Variants in PTPRK observed in about 807,000 individuals in gnomAD.
PTPRK encodes the protein receptor-type tyrosine-protein phosphatase kappa.
Under a neutral mutation model 178.0 loss-of-function variants are expected in PTPRK, and 75 were observed. That is an observed-to-expected ratio of 0.42 (90% CI 0.35 to 0.51). PTPRK has a LOEUF of 0.51. Among genes scored for constraint, PTPRK ranks in the 20% least tolerant of loss-of-function variants. The pLI is 0.02. For missense variants in PTPRK, 1,441 were observed against 1,797.8 expected, an observed-to-expected ratio of 0.80 and a Z score of 3.59; for synonymous variants, 637 against 620.6, an observed-to-expected ratio of 1.03 and a Z score of -0.39.
intron 3 of PTPRK, among the ~76,000 whole-genome samples, chr6:128,266,125 C>T (rs538048552): frequency 6.6e-6 from 1 of 152,230 alleles, no homozygotes; most frequent in South Asian, 2.1e-4. Context: ...TTTGCTATAG[C>T]AGACTGAAGT....
intron 13 of PTPRK, among the ~76,000 whole-genome samples, chr6:128,028,284 A>G (rs1284536847): frequency 6.6e-5 from 10 of 152,236 alleles, no homozygotes; most frequent in Non-Finnish European, 1.3e-4. Context: ...AGGAAAAAGC[A>G]AAAGTGATAA....
At chr6:128,023,651 CTTATT>C (rs1335753858) in intron 13 of PTPRK, among the ~76,000 whole-genome samples, 2 of 151,918 alleles carry the variant, frequency 1.3e-5, no homozygotes, top group African/African-American at 2.4e-5. Context: ...TATTCGATCT[CTTATT>C]TTATTTTATT....
chr6:128,281,397 CT>C (rs994192843), intron 3 of PTPRK, among the ~76,000 whole-genome samples: 1 of 152,278 alleles, frequency 6.6e-6, no homozygotes, highest in African/African-American at 2.4e-5. Flanking sequence ...TCCCGCACTC[CT>C]TTTTCTCCCC....
chr6:128,460,401 G>A (rs1848907288), intron 1 of PTPRK, among the ~76,000 whole-genome samples: 1 of 151,994 alleles, frequency 6.6e-6, no homozygotes, highest in African/African-American at 2.4e-5. Flanking sequence ...AATTAGCAGG[G>A]CATGGTGATG....
At chr6:128,064,915 T>A in intron 12 of PTPRK, 121 bp from the exon 13 acceptor site, 1 of 1,146,890 alleles carries the variant, frequency 8.7e-7, no homozygotes, top group Admixed American at 3.8e-5. Flanking sequence ...AACAACAGAA[T>A]TTTAATATTA....
chr6:128,367,193 G>T (rs1336878778), intron 2 of PTPRK, among the ~76,000 whole-genome samples: 2 of 152,090 alleles, frequency 1.3e-5, no homozygotes, highest in East Asian at 3.9e-4. Context: ...AATATCTGTT[G>T]ATGTATGGTT....
At chr6:128,036,253 C>T (rs1397465282) in intron 13 of PTPRK, among the ~76,000 whole-genome samples, 2 of 152,068 alleles carry the variant, frequency 1.3e-5, no homozygotes, top group Non-Finnish European at 2.9e-5. Flanking sequence ...ATTCATACTC[C>T]ATTGTAGCTA....
At chr6:128,322,407 T>A in intron 2 of PTPRK, 97 bp from the exon 3 acceptor site, 1 of 1,257,590 alleles carries the variant, frequency 8.0e-7, no homozygotes, top group Non-Finnish European at 1.1e-6. Context: ...GCATTAAATT[T>A]AAGTTAAAAA....
chr6:128,181,477 A>T (rs1167325348), intron 7 of PTPRK, among the ~76,000 whole-genome samples: 2 of 152,100 alleles, frequency 1.3e-5, no homozygotes, highest in African/African-American at 4.8e-5. Context: ...AGTCCTAATT[A>T]AAAAAGAATG....
chr6:128,017,144 A>G (rs534362003), intron 13 of PTPRK, among the ~76,000 whole-genome samples: 1 of 152,134 alleles, frequency 6.6e-6, no homozygotes, highest in Non-Finnish European at 1.5e-5. Context: ...TACTAAGTCC[A>G]TCCAAAGAGT....
At chr6:128,442,809 C>T (rs1294219654) in intron 1 of PTPRK, among the ~76,000 whole-genome samples, 1 of 152,206 alleles carries the variant, frequency 6.6e-6, no homozygotes, top group African/African-American at 2.4e-5. Context: ...CTAATTCATT[C>T]ACCGATGGAC....
At chr6:127,978,912 T>C (rs1476425837) in intron 25 of PTPRK, among the ~76,000 whole-genome samples, 1 of 152,222 alleles carries the variant, frequency 6.6e-6, no homozygotes, top group Non-Finnish European at 1.5e-5. Context: ...AACCCTGTTC[T>C]TGTAAATCAA....
rs146959022 is a variant in PTPRK at position 128,168,766 on chromosome 6, C to T, written c.1162+15666G>A. Reference sequence around the variant, plus strand: ...AAATACTGTCTTCCATGAAACTGGTCCCTGGTGCCAATAAGGTTGGGGACC... The same window carrying T: ...AAATACTGTCTTCCATGAAACTGGTTCCTGGTGCCAATAAGGTTGGGGACC... On this transcript the variant is annotated intron_variant, in intron 7 of 29. Transcript: ENST00000368226. Among the ~76,000 whole-genome samples, 633 of 152,090 alleles carry T rather than the reference C, an allele frequency of 4.2e-3. 11 individuals carry two copies. The highest frequency in any genetic ancestry group is 0.025 in the Admixed American group (388 of 15,254).
intron 3 of PTPRK, among the ~76,000 whole-genome samples, chr6:128,256,854 CAA>C (rs1466800560): frequency 6.6e-6 from 1 of 152,062 alleles, no homozygotes; most frequent in Non-Finnish European, 1.5e-5. Flanking sequence ...GGTGTATTTG[CAA>C]AAGACTGACA....
At chr6:128,018,578 C>T (rs1779872881) in intron 13 of PTPRK, among the ~76,000 whole-genome samples, 1 of 151,690 alleles carries the variant, frequency 6.6e-6, no homozygotes, top group Non-Finnish European at 1.5e-5. Context: ...GGTAAGTTAA[C>T]CACTGCTCCT....
At chr6:128,244,444 G>C (rs776353985) in intron 3 of PTPRK, among the ~76,000 whole-genome samples, 87 of 152,244 alleles carry the variant, frequency 5.7e-4, no homozygotes, top group Non-Finnish European at 9.1e-4. Flanking sequence ...GGCCACCAGC[G>C]GATATAAAGC....
At chr6:127,996,861 T>C (rs775422001) in intron 17 of PTPRK, 40 bp downstream of exon 17, 42 of 1,585,220 alleles carry the variant, frequency 2.6e-5, no homozygotes, top group Non-Finnish European at 3.1e-5. Flanking sequence ...CATATAAGCA[T>C]ATAATATTTA....
chr6:128,196,624 C>G (rs1264552711), intron 6 of PTPRK, among the ~76,000 whole-genome samples: 1 of 152,042 alleles, frequency 6.6e-6, no homozygotes, highest in Non-Finnish European at 1.5e-5. Flanking sequence ...ATCCAACATG[C>G]ACAGCAAGAG....
intron 11 of PTPRK, among the ~76,000 whole-genome samples, chr6:128,069,651 T>C (rs1007827073): frequency 5.9e-5 from 9 of 152,124 alleles, no homozygotes; most frequent in African/African-American, 9.7e-5. Context: ...AGAATAATAA[T>C]AATTACCTAT....
Sources: allele counts gnomAD v4.1 joint callset (sites outside exome capture counted in the v4.1 genomes callset), GRCh38; gene constraint gnomAD v4.1.1; transcripts MANE v1.5; gene names NCBI Gene and HGNC (gene_info 2026-07-23, HGNC 2026-07-21).